MACROD2: variants seen among roughly 807,000 people sequenced by gnomAD.
The protein encoded by MACROD2 is ADP-ribose glycohydrolase MACROD2.
Under a neutral mutation model 70.4 loss-of-function variants are expected in MACROD2, and 36 were observed. The observed-to-expected ratio is 0.51, with a 90% CI of 0.39 to 0.68. The LOEUF (loss-of-function observed/expected upper bound fraction) is 0.68. Among genes scored for constraint, MACROD2 ranks in the 30% least tolerant of loss-of-function variants. The probability of loss-of-function intolerance (pLI) is 0.00; values close to 1 mark genes in which losing one functional copy is unlikely to be tolerated. For synonymous variants in MACROD2, 172 were observed against 178.8 expected (o/e 0.96, Z 0.30); for missense variants, 496 against 538.4 (o/e 0.92, Z 0.78).
chr20:15,077,526 T>C (rs1205973426), intron 5 of MACROD2, among the ~76,000 whole-genome samples: 1 of 152,228 alleles, frequency 6.6e-6, no homozygotes, highest in Non-Finnish European at 1.5e-5. Context: ...GTGTGGTAAA[T>C]CATTTTTCTG....
At chr20:14,459,445 A>G (rs888349432) in intron 3 of MACROD2, among the ~76,000 whole-genome samples, 1 of 151,988 alleles carries the variant, frequency 6.6e-6, no homozygotes, top group Non-Finnish European at 1.5e-5. Context: ...TTATATATGA[A>G]CATCTGAAAG....
At chr20:16,011,870 A>G (rs984197824) in intron 15 of MACROD2, among the ~76,000 whole-genome samples, 5 of 152,178 alleles carry the variant, frequency 3.3e-5, no homozygotes, top group African/African-American at 1.2e-4. Flanking sequence ...AAGGCTCCAC[A>G]TCTCAAAACT....
At chr20:15,616,065 G>A (rs2049033078) in intron 8 of MACROD2, among the ~76,000 whole-genome samples, 1 of 151,392 alleles carries the variant, frequency 6.6e-6, no homozygotes, top group Non-Finnish European at 1.5e-5. Context: ...CCTGGTGGGT[G>A]GAGTTTGTCT....
At position 14,222,823 on chromosome 20, in the gene MACROD2, A is replaced by G. The variant is rs1347369171; in HGVS notation, c.271+137095A>G. On this transcript the variant is annotated intron_variant, in intron 3 of 17. Coordinates refer to ENST00000684519, the MANE Select transcript of MACROD2 (RefSeq NM_001351661.2). ...AACCTTTGGATTTCTGAAAAAAAAA[A>G]AAAAAAAAAAAAAAAAAAAGAATTG... Among the ~76,000 whole-genome samples, 407 of 54,894 alleles carry G rather than the reference A, an allele frequency of 7.4e-3. 8 individuals are homozygous for G. Among genetic ancestry groups the G allele is most frequent in the East Asian group, 0.014 (50 of 3,544 alleles). 36.0% of individuals were successfully genotyped at this position (54,894 alleles called of 152,430 possible).
chr20:14,486,827 C>G (rs1045463067), intron 3 of MACROD2, among the ~76,000 whole-genome samples: 1 of 152,122 alleles, frequency 6.6e-6, no homozygotes, highest in Middle Eastern at 3.4e-3. Flanking sequence ...CCCCAATATT[C>G]TTTTTGAATT....
intron 4 of MACROD2, among the ~76,000 whole-genome samples, chr20:14,603,285 G>A (rs1209685943): frequency 1.3e-5 from 2 of 152,144 alleles, no homozygotes; most frequent in African/African-American, 4.8e-5. Context: ...GGACAATTGT[G>A]GATGATGGTA....
At chr20:14,704,281 G>A (rs1423683441) in intron 5 of MACROD2, among the ~76,000 whole-genome samples, 6 of 151,928 alleles carry the variant, frequency 3.9e-5, no homozygotes, top group Non-Finnish European at 7.4e-5. Flanking sequence ...TGAATATAGC[G>A]TCCATTTGTA....
intron 5 of MACROD2, among the ~76,000 whole-genome samples, chr20:14,744,763 G>A (rs2071777994): frequency 6.6e-6 from 1 of 152,046 alleles, no homozygotes; most frequent in African/African-American, 2.4e-5. Context: ...AGAAACCTGA[G>A]TTAGCCTTTT....
Position 15,019,163 on chromosome 20 carries a change from A to ACG in MACROD2, c.419-210762_419-210761dup, listed in dbSNP as rs200827351. Among the ~76,000 whole-genome samples the ACG allele has an allele frequency of 5.7e-3, 866 of 151,184 alleles. 10 individuals carry two copies. Among genetic ancestry groups the ACG allele is most frequent in the African/African-American group, 0.018 (733 of 41,210 alleles). On this transcript the variant is annotated intron_variant, in intron 5 of 17. Coordinates refer to ENST00000684519, the MANE Select transcript of MACROD2 (RefSeq NM_001351661.2). Reference sequence around the variant, plus strand: ...CCCTTCTTCCTCTGAACACACACACACGCGCGCGCGCGCGCGGAGAGAGTT... The same window carrying ACG: ...CCCTTCTTCCTCTGAACACACACACACGCGCGCGCGCGCGCGCGGAGAGAGTT...
intron 6 of MACROD2, among the ~76,000 whole-genome samples, chr20:15,383,790 C>T (rs1055901948): frequency 1.3e-5 from 2 of 152,072 alleles, no homozygotes; most frequent in African/African-American, 4.8e-5. Context: ...TTTTCCAAGT[C>T]ATTTATCTAT....
chr20:15,092,344 G>A (rs1035086065), intron 5 of MACROD2, among the ~76,000 whole-genome samples: 2 of 149,692 alleles, frequency 1.3e-5, no homozygotes, highest in East Asian at 1.9e-4. Context: ...TTAATAATAT[G>A]TTTAAGTATA....
intron 2 of MACROD2, among the ~76,000 whole-genome samples, chr20:14,054,671 G>A (rs948207349): frequency 1.3e-5 from 2 of 152,130 alleles, no homozygotes; most frequent in Non-Finnish European, 2.9e-5. Flanking sequence ...TTTCACTAAA[G>A]AAGAATGTTC....
intron 3 of MACROD2, among the ~76,000 whole-genome samples, chr20:14,197,904 T>A (rs1307460085): frequency 6.6e-6 from 1 of 152,158 alleles, no homozygotes; most frequent in African/African-American, 2.4e-5. Context: ...TTATGTACGC[T>A]AAAGGCCGAT....
At chr20:14,644,057 G>A (rs573866092) in intron 4 of MACROD2, among the ~76,000 whole-genome samples, 68 of 152,250 alleles carry the variant, frequency 4.5e-4, no homozygotes, top group Middle Eastern at 6.8e-3. Context: ...GAAATAAATT[G>A]TAGCATTAAT....
chr20:15,658,223 CTCTT>C (rs1377878669), intron 8 of MACROD2, among the ~76,000 whole-genome samples: 4 of 139,166 alleles, frequency 2.9e-5, no homozygotes, highest in South Asian at 4.7e-4. Flanking sequence ...TTCTCTCTCT[CTCTT>C]TTTTTTTTTT....
intron 4 of MACROD2, among the ~76,000 whole-genome samples, chr20:14,620,483 T>TA (rs1028915056): frequency 1.7e-4 from 26 of 151,428 alleles, no homozygotes; most frequent in East Asian, 1.5e-3. Flanking sequence ...TTCCAAAAGT[T>TA]AAAAAAAAAG....
intron 8 of MACROD2, among the ~76,000 whole-genome samples, chr20:15,603,262 G>T (rs777915230): frequency 6.6e-6 from 1 of 152,032 alleles, no homozygotes; most frequent in South Asian, 2.1e-4. Flanking sequence ...ACTTTGGGAG[G>T]CCGAAGCAGG....
intron 6 of MACROD2, among the ~76,000 whole-genome samples, chr20:15,301,937 C>G (rs1176861289): frequency 1.3e-5 from 2 of 151,982 alleles, no homozygotes; most frequent in African/African-American, 4.8e-5. Flanking sequence ...ACAGAAAATC[C>G]CAAACAACCC....
At chr20:15,255,993 G>A (rs1229264419) in intron 6 of MACROD2, among the ~76,000 whole-genome samples, 4 of 152,050 alleles carry the variant, frequency 2.6e-5, no homozygotes, top group South Asian at 2.1e-4. Flanking sequence ...TTAAAATGCA[G>A]AGACTCCTTT....
Sources: gnomAD v4.1 joint callset for allele counts (sites outside exome capture counted in the v4.1 genomes callset) on GRCh38, gnomAD v4.1.1 for gene constraint, MANE v1.5 for transcripts, NCBI Gene and HGNC (gene_info 2026-07-23, HGNC 2026-07-21) for gene names.